Variants in BTD observed in about 807,000 individuals in gnomAD.
BTD encodes the protein biotinidase, also known as biocytinase.
A neutral mutation model predicts 17.7 loss-of-function variants in BTD; 13 were observed. The ratio of observed to expected loss-of-function variants is 0.74; its 90% confidence interval spans 0.48 to 1.17. BTD has a LOEUF of 1.17. BTD is among the 50% of genes most tolerant of loss of function. The pLI, the probability that BTD is intolerant of heterozygous loss-of-function variation, is 0.00. For synonymous variants in BTD, 240 were observed against 245.2 expected (o/e 0.98, Z 0.20); for missense variants, 674 against 650.4 (o/e 1.04, Z -0.39).
intron 3 of BTD, among the ~76,000 whole-genome samples, chr3:15,695,804 G>T (rs538731968): frequency 3.9e-5 from 6 of 151,912 alleles, no homozygotes; most frequent in African/African-American, 1.2e-4. Flanking sequence ...CCTTTCACAG[G>T]GACTTTTATT....
Position 15,645,371 on chromosome 3 carries a change from C to T in BTD, c.1455C>T (p.Thr485=), listed in dbSNP as rs770524497. 3 of 1,614,120 alleles carry T rather than the reference C, an allele frequency of 1.9e-6. No individual in the cohort carries two copies. Among genetic ancestry groups the T allele is most frequent in the South Asian group, 1.1e-5 (1 of 91,084 alleles). ...IFPLFLTSGM[T]LEVPDQLGWE... ...CTTTGTTTCTGACCTCAGGGATGAC[C>T]CTAGAAGTCCCTGACCAGCTTGGCT... Residue 485 remains threonine, a synonymous_variant, in exon 4 of 4, where the codon ACC becomes ACT. Transcript: ENST00000643237.
intron 1 of BTD, chr3:15,631,541 A>T: frequency 7.0e-7 from 1 of 1,424,430 alleles, no homozygotes. Context: ...TGATTGACAT[A>T]TTACCAAATT....
At chr3:15,698,031 T>C (rs541475076) in intron 3 of BTD, among the ~76,000 whole-genome samples, 6 of 152,328 alleles carry the variant, frequency 3.9e-5, no homozygotes, top group East Asian at 1.9e-4. Context: ...GAGGTGTTTA[T>C]AGTATTCTCT....
intron 3 of BTD, among the ~76,000 whole-genome samples, chr3:15,666,918 T>C (rs1270806179): frequency 6.6e-6 from 1 of 152,216 alleles, no homozygotes; most frequent in African/African-American, 2.4e-5. Context: ...GTACCTTTTA[T>C]CAATTAATCT....
chr3:15,603,656 C>CA (rs916762462), intron 1 of BTD, among the ~76,000 whole-genome samples: 15 of 150,934 alleles, frequency 9.9e-5, no homozygotes, highest in East Asian at 3.9e-4. Context: ...GACTCCGTCT[C>CA]AAAAAAAATA....
chr3:15,668,886 A>G (rs2066124076), intron 3 of BTD: 1 of 152,782 alleles, frequency 6.5e-6, no homozygotes, highest in East Asian at 1.9e-4. Context: ...TTTTGTTGCA[A>G]TTTATAGAAC....
At chr3:15,654,663 C>G (rs2065853327), downstream of BTD, among the ~76,000 whole-genome samples, 1 of 151,996 alleles carries the variant, frequency 6.6e-6, no homozygotes. Context: ...CCTCTGCCTC[C>G]CGGGTTCAAG....
intron 3 of BTD, among the ~76,000 whole-genome samples, chr3:15,674,978 G>A (rs2066782419): frequency 6.6e-6 from 1 of 151,912 alleles, no homozygotes; most frequent in African/African-American, 2.4e-5. Context: ...AAGAGAGAAT[G>A]GAAGAATGAG....
At chr3:15,709,408 G>T (rs574495307) in intron 3 of BTD, among the ~76,000 whole-genome samples, 183 of 152,056 alleles carry the variant, frequency 1.2e-3, no homozygotes, top group Non-Finnish European at 2.4e-3. Flanking sequence ...TTTTGGAGGG[G>T]GGGAAGTGAT....
At chr3:15,718,162 T>C (rs572364733) in intron 4 of BTD, among the ~76,000 whole-genome samples, 7 of 152,286 alleles carry the variant, frequency 4.6e-5, no homozygotes, top group African/African-American at 1.4e-4. Context: ...TATCAACATA[T>C]TGTGTGTAAG....
chr3:15,719,931 C>T (rs988824887), intron 4 of BTD, among the ~76,000 whole-genome samples: 1 of 152,102 alleles, frequency 6.6e-6, no homozygotes, highest in Non-Finnish European at 1.5e-5. Flanking sequence ...AGGGCAGTAG[C>T]ATGATCTCAG....
chr3:15,685,382 G>T, intron 3 of BTD: 2 of 1,613,948 alleles, frequency 1.2e-6, no homozygotes, highest in Non-Finnish European at 1.7e-6. Context: ...CTGCTATCCC[G>T]AAGTAAGCAC....
intron 3 of BTD, among the ~76,000 whole-genome samples, chr3:15,659,021 G>A (rs1244048357): frequency 6.6e-6 from 1 of 152,158 alleles, no homozygotes; most frequent in South Asian, 2.1e-4. Context: ...CCCATGTCCA[G>A]TTCCCCATCA....
intron 3 of BTD, among the ~76,000 whole-genome samples, chr3:15,658,967 C>T (rs2065897178): frequency 6.6e-6 from 1 of 152,124 alleles, no homozygotes; most frequent in Admixed American, 6.5e-5. Flanking sequence ...GACCACACAG[C>T]CCTGCTGCCT....
chr3:15,702,305 G>C (rs1049106184), intron 3 of BTD, among the ~76,000 whole-genome samples: 32 of 152,140 alleles, frequency 2.1e-4, no homozygotes, highest in African/African-American at 7.2e-4. Context: ...ATAAAATACT[G>C]AATCACAAAA....
At chr3:15,709,422 A>G (rs2071926004) in intron 3 of BTD, among the ~76,000 whole-genome samples, 1 of 152,132 alleles carries the variant, frequency 6.6e-6, no homozygotes, top group Non-Finnish European at 1.5e-5. Context: ...AAGTGATAGC[A>G]AGTATAGAGG....
intron 3 of BTD, chr3:15,689,874 G>C: frequency 1.5e-6 from 1 of 670,848 alleles, no homozygotes; most frequent in East Asian, 2.8e-5. Flanking sequence ...AAAGTTATTT[G>C]GTGAGGTCAA....
At chr3:15,642,266 C>T (rs1030502384) in intron 3 of BTD, 162 of 1,434,244 alleles carry the variant, frequency 1.1e-4, no homozygotes, top group Non-Finnish European at 1.4e-4. Context: ...ATGGATCTTT[C>T]CATTTATTAA....
chr3:15,660,979 C>T (rs932149837), intron 3 of BTD, among the ~76,000 whole-genome samples: 1 of 152,068 alleles, frequency 6.6e-6, no homozygotes, highest in Non-Finnish European at 1.5e-5. Context: ...GAATGAGTTC[C>T]TCCAAGCTGG....
Sources: allele counts gnomAD v4.1 joint callset (sites outside exome capture counted in the v4.1 genomes callset), GRCh38; gene constraint gnomAD v4.1.1; transcripts MANE v1.5; gene names NCBI Gene and HGNC (gene_info 2026-07-23, HGNC 2026-07-21).